ATP11B: variants seen among roughly 807,000 people sequenced by gnomAD.
ATP11B encodes ATPase phospholipid transporting 11B (putative).
ATP11B carries 81 observed loss-of-function variants against 157.8 expected under a neutral mutation model. The ratio of observed to expected loss-of-function variants is 0.51; its 90% CI spans 0.43 to 0.62. The LOEUF is 0.62. Among genes scored for constraint, ATP11B ranks in the 20% least tolerant of loss-of-function variants. The pLI, the probability that ATP11B is intolerant of heterozygous loss-of-function variation, is 0.00. For missense variants in ATP11B, 1,165 were observed against 1,402.2 expected (o/e 0.83, Z 2.70); for synonymous variants, 451 against 469.4 (o/e 0.96, Z 0.51).
chr3:182,900,772 G>A (rs935782629), intron 28 of ATP11B, among the ~76,000 whole-genome samples: 1 of 152,258 alleles, frequency 6.6e-6, no homozygotes, highest in African/African-American at 2.4e-5. Context: ...GAGACCGGGT[G>A]CAGTGGCTCA....
intron 1 of ATP11B, among the ~76,000 whole-genome samples, chr3:182,797,481 G>A (rs1181550991): frequency 6.6e-6 from 1 of 152,174 alleles, no homozygotes; most frequent in African/African-American, 2.4e-5. Context: ...GCCGAGACAG[G>A]CAGATCACCT....
intron 7 of ATP11B, among the ~76,000 whole-genome samples, chr3:182,838,235 T>G (rs1227639646): frequency 1.3e-5 from 2 of 152,048 alleles, no homozygotes; most frequent in Admixed American, 1.3e-4. Context: ...TTAAAAGCAC[T>G]TGATAGACTG....
At chr3:182,851,523 T>A (rs1719975939) in intron 10 of ATP11B, among the ~76,000 whole-genome samples, 1 of 152,180 alleles carries the variant, frequency 6.6e-6, no homozygotes, top group Non-Finnish European at 1.5e-5. Context: ...GCACAAAAGA[T>A]GATGGGGGGC....
chr3:182,905,262 T>A (rs1315893437), intron 28 of ATP11B, among the ~76,000 whole-genome samples: 1 of 152,176 alleles, frequency 6.6e-6, no homozygotes, highest in African/African-American at 2.4e-5. Flanking sequence ...CTAATACAAA[T>A]ACAGAAAAAG....
At chr3:182,917,047 C>G (rs1010171134) in intron 29 of ATP11B, 125 of 985,176 alleles carry the variant, frequency 1.3e-4, no homozygotes, top group Admixed American at 1.8e-4. Flanking sequence ...AGATACTGTT[C>G]CAGCTTTTCT....
chr3:182,916,521 A>G (rs1213278318), intron 29 of ATP11B: 8 of 985,250 alleles, frequency 8.1e-6, no homozygotes, highest in Non-Finnish European at 7.2e-6. Flanking sequence ...TCATGGTGCT[A>G]TATAAAGAAT....
chr3:182,817,986 G>A (rs746098564), intron 1 of ATP11B, among the ~76,000 whole-genome samples: 5 of 152,152 alleles, frequency 3.3e-5, no homozygotes, highest in Non-Finnish European at 7.3e-5. Flanking sequence ...ATAAATCAGT[G>A]TTTAAATTAG....
intron 29 of ATP11B, chr3:182,916,622 A>G (rs1374536932): frequency 3.0e-6 from 3 of 984,748 alleles, no homozygotes; most frequent in African/African-American, 3.5e-5. Context: ...TATCCTCATC[A>G]AAACTATCTT....
intron 10 of ATP11B, among the ~76,000 whole-genome samples, chr3:182,851,739 G>A (rs1004732212): frequency 2.0e-5 from 3 of 152,032 alleles, no homozygotes; most frequent in Non-Finnish European, 1.5e-5. Flanking sequence ...GAAGAACAGC[G>A]AAACAAAAAA....
chr3:182,845,015 TA>T lies in ATP11B; in HGVS notation c.705-442del, dbSNP rs1369711601. Among the ~76,000 whole-genome samples the T allele has an allele frequency of 1.8e-3, 250 of 135,412 alleles. 9 individuals are homozygous for T. Among genetic ancestry groups the T allele is most frequent in the African/African-American group, 7.7e-3 (238 of 31,040 alleles). 88.8% of individuals were successfully genotyped at this position (135,412 alleles called of 152,430 possible). ...TTTTATTTTTTTTTTTATTTTTTTT[TA>T]TTTTTGAGATGGAGTCTCACTCTTG... is the stretch of plus-strand genomic sequence containing the variant. On this transcript the variant is annotated intron_variant, in intron 8 of 29. Coordinates refer to ENST00000323116, the MANE Select transcript of ATP11B (RefSeq NM_014616.3).
chr3:182,875,417 T>TTTG (rs934032034), intron 19 of ATP11B, among the ~76,000 whole-genome samples: 3 of 141,550 alleles, frequency 2.1e-5, no homozygotes, highest in East Asian at 1.9e-4. Context: ...CAGGGGATTT[T>TTTG]TTGTTGTTGT....
intron 28 of ATP11B, among the ~76,000 whole-genome samples, chr3:182,906,484 C>T (rs1180854810): frequency 6.6e-6 from 1 of 152,118 alleles, no homozygotes; most frequent in African/African-American, 2.4e-5. Context: ...CATTCCATCT[C>T]CCAGGCTAGA....
intron 2 of ATP11B, among the ~76,000 whole-genome samples, chr3:182,827,188 C>G (rs905518356): frequency 6.6e-6 from 1 of 152,072 alleles, no homozygotes; most frequent in African/African-American, 2.4e-5. Flanking sequence ...TTCCCTGTTT[C>G]ATGTATGAAG....
intron 2 of ATP11B, among the ~76,000 whole-genome samples, chr3:182,827,106 G>T (rs1252714324): frequency 6.6e-6 from 1 of 152,132 alleles, no homozygotes; most frequent in Non-Finnish European, 1.5e-5. Context: ...TAAATAAAAT[G>T]ATATCCCTGG....
intron 1 of ATP11B, among the ~76,000 whole-genome samples, chr3:182,807,202 G>A (rs939337372): frequency 6.6e-5 from 10 of 152,184 alleles, no homozygotes; most frequent in African/African-American, 2.4e-4. Flanking sequence ...ATTAGCCATA[G>A]TAGGGAGAAT....
In ATP11B at chr3:182,885,952, A is replaced by G; in HGVS notation, c.2657A>G (p.Asn886Ser). The change falls in exon 23 of 30, where the codon AAT becomes AGT. Residue 886 changes from asparagine (N) to serine (S), a missense_variant and splice_region_variant. Around this residue, in one of 4 missense-constraint regions of ATP11B, gnomAD observed 737 missense variants for 930.5 expected, o/e 0.79. Transcript: ENST00000323116. ...ATLVQYFFYK[N>S]VCFITPQFLY... ...TTTCCATTTAATCTTGTTTTTCAGA[A>G]TGTGTGCTTTATCACACCCCAGTTT... The G allele has an allele frequency of 6.7e-7, 1 of 1,501,620 alleles. No homozygotes were observed. Among genetic ancestry groups the G allele is most frequent in the Non-Finnish European group, 8.8e-7 (1 of 1,131,908 alleles). 93.0% of individuals were successfully genotyped at this position (1,501,620 alleles called of 1,614,324 possible).
At chr3:182,836,003 A>C in intron 4 of ATP11B, 32 bp from the exon 5 acceptor site, 1 of 1,546,676 alleles carries the variant, frequency 6.5e-7, no homozygotes. Context: ...ATTATACTGA[A>C]AAATTATTTT....
intron 1 of ATP11B, among the ~76,000 whole-genome samples, chr3:182,799,703 A>G (rs1159765655): frequency 6.6e-6 from 1 of 152,234 alleles, no homozygotes; most frequent in Admixed American, 6.5e-5. Context: ...TTTTTAAAAA[A>G]TATCAAAATG....
intron 29 of ATP11B, chr3:182,914,903 G>T: frequency 1.0e-6 from 1 of 985,362 alleles, no homozygotes; most frequent in Non-Finnish European, 1.2e-6. Flanking sequence ...GCAGTACACG[G>T]TATGCATGGA....
Sources: allele counts gnomAD v4.1 joint callset (sites outside exome capture counted in the v4.1 genomes callset), GRCh38; gene constraint gnomAD v4.1.1; regional missense constraint gnomAD v4.1.1; transcripts MANE v1.5; gene names NCBI Gene and HGNC (gene_info 2026-07-23, HGNC 2026-07-21).